The following DEPDC1B variants were observed in gnomAD, a reference collection of about 807,000 sequenced individuals.
The protein encoded by DEPDC1B is DEP domain containing 1B.
DEPDC1B carries 51 observed loss-of-function variants against 66.5 expected under a neutral mutation model. The ratio of observed to expected loss-of-function variants is 0.77; its 90% CI spans 0.61 to 0.97. The LOEUF (loss-of-function observed/expected upper bound fraction) is 0.97. Ranked by LOEUF, DEPDC1B falls within the 50% of genes least tolerant of loss-of-function variation. The pLI, the probability that DEPDC1B is intolerant of heterozygous loss-of-function variation, is 0.00. For missense variants in DEPDC1B, 552 were observed against 637.1 expected (o/e 0.87, Z 1.44); for synonymous variants, 226 against 223.6 (o/e 1.01, Z -0.10).
At chr5:60,638,952 C>T (rs576317214) in intron 6 of DEPDC1B, 62 bp from the exon 7 acceptor site, 1 of 1,566,256 alleles carries the variant, frequency 6.4e-7, no homozygotes, top group East Asian at 2.3e-5. Context: ...AAGTATTATT[C>T]TCTGTGAATA....
At chr5:60,647,321 C>CAGAA in intron 3 of DEPDC1B, 77 bp downstream of exon 3, 1 of 1,493,112 alleles carries the variant, frequency 6.7e-7, no homozygotes, top group Non-Finnish European at 8.9e-7. Flanking sequence ...TAAAGGACCA[C>CAGAA]AGAAAGACCA....
In DEPDC1B at chr5:60,665,824, T is replaced by G. The variant is rs565918385; in HGVS notation, c.315-18291A>C. Among the ~76,000 whole-genome samples, 11 of 152,188 alleles carry G rather than the reference T, an allele frequency of 7.2e-5. No homozygotes were observed. The East Asian group carries it at 2.1e-3, about 29-fold the overall frequency. On this transcript the variant is annotated intron_variant, in intron 2 of 10. Transcript: ENST00000265036. ...CTCAGCTCACACCCAACTAATCACGTAGTAAAGAGGGCTCACTAAAATACA... is the reference window on the plus strand; with the variant it reads ...CTCAGCTCACACCCAACTAATCACGGAGTAAAGAGGGCTCACTAAAATACA...
At chr5:60,601,689 T>G (rs1752201812) in intron 9 of DEPDC1B, among the ~76,000 whole-genome samples, 1 of 152,178 alleles carries the variant, frequency 6.6e-6, no homozygotes, top group Admixed American at 6.5e-5. Context: ...TATATCCATA[T>G]TATGGAATAC....
intron 7 of DEPDC1B, among the ~76,000 whole-genome samples, chr5:60,627,587 T>C (rs1466011813): frequency 6.6e-6 from 1 of 152,120 alleles, no homozygotes; most frequent in African/African-American, 2.4e-5. Flanking sequence ...TTCCTTCTTT[T>C]GAGAAAATGA....
intron 7 of DEPDC1B, among the ~76,000 whole-genome samples, chr5:60,619,205 A>C (rs13436300): frequency 0.019 from 2,930 of 152,336 alleles, 63 homozygotes; most frequent in Non-Finnish European, 0.024. Context: ...AAAAACTGGA[A>C]GCATTCCCTT....
chr5:60,612,893 C>T (rs943618772), intron 7 of DEPDC1B, among the ~76,000 whole-genome samples: 3 of 152,098 alleles, frequency 2.0e-5, no homozygotes, highest in Non-Finnish European at 2.9e-5. Context: ...TTCTGGTTTC[C>T]ATCATTGCCA....
chr5:60,609,937 T>C (rs928434574), intron 7 of DEPDC1B, among the ~76,000 whole-genome samples: 21 of 152,222 alleles, frequency 1.4e-4, no homozygotes, highest in African/African-American at 5.1e-4. Context: ...TTTTTCCAAG[T>C]ATACATTACT....
intron 1 of DEPDC1B, among the ~76,000 whole-genome samples, chr5:60,696,420 C>T (rs370991749): frequency 1.3e-5 from 2 of 152,266 alleles, no homozygotes; most frequent in Admixed American, 6.5e-5. Context: ...ATATGAAATA[C>T]TTTAGATTTT....
At chr5:60,651,549 CA>C (rs3029124) in intron 2 of DEPDC1B, among the ~76,000 whole-genome samples, 10 of 140,070 alleles carry the variant, frequency 7.1e-5, no homozygotes, top group African/African-American at 1.4e-4. Context: ...ACAAAAAAAA[CA>C]AAAAAAAAAC....
intron 2 of DEPDC1B, among the ~76,000 whole-genome samples, chr5:60,680,178 A>C (rs1754266145): frequency 1.3e-5 from 2 of 152,218 alleles, no homozygotes; most frequent in Admixed American, 6.5e-5. Context: ...AGACAACAGC[A>C]CCTGGTTCAA....
intron 2 of DEPDC1B, among the ~76,000 whole-genome samples, chr5:60,652,754 C>A (rs1753485981): frequency 6.7e-6 from 1 of 148,934 alleles, no homozygotes. Flanking sequence ...TCCCTCATCA[C>A]CCTCCCACCC....
intron 10 of DEPDC1B, 36 bp from the exon 11 acceptor site, chr5:60,597,950 G>A: frequency 1.3e-6 from 2 of 1,519,208 alleles, no homozygotes; most frequent in Non-Finnish European, 1.8e-6. Flanking sequence ...AGTAAAAAAA[G>A]ACACATAAAA....
Position 60,597,761 on chromosome 5 carries a change from G to C in DEPDC1B, c.1582C>G (p.Arg528Gly). The C allele has an allele frequency of 6.2e-7, 1 of 1,612,292 alleles. No individual in the cohort carries two copies. Among genetic ancestry groups the C allele is most frequent in the Non-Finnish European group, 8.5e-7 (1 of 1,179,382 alleles). ...FQPFQRTRSF[R>G]M ...TTGCTGTGGAAGTATTATTACATTC[G>C]AAAACTTCTAGTTCTTTGAAATGGT... The change falls in exon 11 of 11, where the codon CGA becomes GGA. Residue 528 changes from arginine to glycine, a missense_variant. Arg to Gly is a moderately radical substitution (Grantham distance 125). Coordinates refer to ENST00000265036, the MANE Select transcript of DEPDC1B (RefSeq NM_018369.3).
chr5:60,606,856 A>T (rs1283863338), intron 7 of DEPDC1B, among the ~76,000 whole-genome samples: 1 of 152,084 alleles, frequency 6.6e-6, no homozygotes, highest in African/African-American at 2.4e-5. Flanking sequence ...ACTTATATCC[A>T]AGCCCTCTAA....
At chr5:60,638,583 T>C (rs957359739) in intron 7 of DEPDC1B, among the ~76,000 whole-genome samples, 167 bp downstream of exon 7, 1 of 152,226 alleles carries the variant, frequency 6.6e-6, no homozygotes, top group Non-Finnish European at 1.5e-5. Flanking sequence ...CACTTTCTTT[T>C]ACTTCTTCAC....
At chr5:60,638,970 C>T (rs894216941) in intron 6 of DEPDC1B, 80 bp from the exon 7 acceptor site, 25 of 1,470,644 alleles carry the variant, frequency 1.7e-5, no homozygotes, top group African/African-American at 4.3e-5. Context: ...ATATGTGTGG[C>T]GTGTACAGAT....
At chr5:60,607,723 G>A (rs1430479446) in intron 7 of DEPDC1B, among the ~76,000 whole-genome samples, 1 of 152,172 alleles carries the variant, frequency 6.6e-6, no homozygotes, top group Non-Finnish European at 1.5e-5. Flanking sequence ...CCTCTCTAAG[G>A]AGGTAACATG....
chr5:60,666,070 C>T (rs1179198166), intron 2 of DEPDC1B, among the ~76,000 whole-genome samples: 1 of 152,314 alleles, frequency 6.6e-6, no homozygotes, highest in Non-Finnish European at 1.5e-5. Context: ...GCTGAGCTTT[C>T]GCTCGCCGTC....
chr5:60,663,989 G>C (rs539874836), intron 2 of DEPDC1B, among the ~76,000 whole-genome samples: 1 of 152,146 alleles, frequency 6.6e-6, no homozygotes. Flanking sequence ...GGCTTCTGCC[G>C]AATATGGATT....
Sources: gnomAD v4.1 joint callset for allele counts (sites outside exome capture counted in the v4.1 genomes callset) on GRCh38, gnomAD v4.1.1 for gene constraint, MANE v1.5 for transcripts, NCBI Gene and HGNC (gene_info 2026-07-23, HGNC 2026-07-21) for gene names.